TXNL4A: variants seen among roughly 807,000 people sequenced by gnomAD.
The protein encoded by TXNL4A is thioredoxin like 4A, also known as thioredoxin-like protein 4A.
A neutral mutation model predicts 14.6 loss-of-function variants in TXNL4A; 17 were observed. That is an observed-to-expected ratio of 1.16 (90% CI 0.80 to 1.74). TXNL4A has a LOEUF of 1.74. TXNL4A is among the 40% of genes most tolerant of loss of function. The pLI is 0.00. For missense variants in TXNL4A, 74 were observed against 195.2 expected, an observed-to-expected ratio of 0.38 and a Z score of 3.70; for synonymous variants, 83 against 70.6, an observed-to-expected ratio of 1.18 and a Z score of -0.88.
intron 1 of TXNL4A, among the ~76,000 whole-genome samples, chr18:80,010,572 G>A (rs773397838): frequency 5.3e-5 from 8 of 152,182 alleles, no homozygotes; most frequent in Admixed American, 6.5e-5. Flanking sequence ...AGCCCACTGT[G>A]CCCATGCCCA....
chr18:79,981,410 G>A (rs182689781), intron 1 of TXNL4A, among the ~76,000 whole-genome samples: 1 of 152,350 alleles, frequency 6.6e-6, no homozygotes, highest in South Asian at 2.1e-4. Context: ...GGTGGCTCAC[G>A]CCTGTAATCC....
chr18:80,010,161 G>A (rs962415478), intron 1 of TXNL4A, among the ~76,000 whole-genome samples: 2 of 152,192 alleles, frequency 1.3e-5, no homozygotes, highest in Non-Finnish European at 2.9e-5. Context: ...AAGGAGTACA[G>A]ACACAAAGGT....
intron 1 of TXNL4A, among the ~76,000 whole-genome samples, chr18:80,021,101 C>T (rs1343307045): frequency 1.3e-5 from 2 of 152,060 alleles, no homozygotes; most frequent in Non-Finnish European, 2.9e-5. Flanking sequence ...TTTGATAATG[C>T]TTGCCCAAAC....
chr18:79,983,438 T>C (rs1273360177), intron 1 of TXNL4A, among the ~76,000 whole-genome samples: 1 of 152,220 alleles, frequency 6.6e-6, no homozygotes, highest in Non-Finnish European at 1.5e-5. Context: ...CGCATGCCTC[T>C]AAGTCCACCT....
chr18:80,006,970 G>T (rs1336183870), intron 1 of TXNL4A, among the ~76,000 whole-genome samples: 1 of 152,126 alleles, frequency 6.6e-6, no homozygotes, highest in Admixed American at 6.5e-5. Flanking sequence ...CACATGTGAT[G>T]ACAAAGAAAA....
chr18:79,988,664 G>C, upstream of TXNL4A: 1 of 281,852 alleles, frequency 3.5e-6, no homozygotes, highest in East Asian at 6.0e-5. Context: ...CGAACGTGTA[G>C]TTGGCCGGGT....
intron 1 of TXNL4A, among the ~76,000 whole-genome samples, chr18:79,995,877 C>T (rs975709560): frequency 5.9e-5 from 9 of 151,750 alleles, no homozygotes; most frequent in Non-Finnish European, 1.3e-4. Context: ...CTGAGGCGGG[C>T]AGATCATGAG....
rs2051936878 is a variant in TXNL4A, at chr18:80,033,254, T to C, written c.-61+597A>G. 4.0e-5 allele frequency among the ~76,000 whole-genome samples: 6 copies of C among 151,716 alleles called. No individual in the cohort carries two copies. The South Asian group carries it at 1.2e-3, about 31-fold the overall frequency. ...ATGTCCACACACATGCACACACACG[T>C]ACATATGCACACATACACATGTACA... On this transcript the variant is annotated intron_variant, in intron 1 of 2. Transcript: ENST00000585474.
chr18:80,029,717 C>G (rs1432982956), intron 1 of TXNL4A, among the ~76,000 whole-genome samples: 1 of 152,192 alleles, frequency 6.6e-6, no homozygotes, highest in African/African-American at 2.4e-5. Flanking sequence ...AAGCACTCCC[C>G]CTAGTGCTGC....
At chr18:80,023,439 T>C (rs1035458587) in intron 1 of TXNL4A, among the ~76,000 whole-genome samples, 8 of 151,774 alleles carry the variant, frequency 5.3e-5, no homozygotes, top group African/African-American at 1.9e-4. Flanking sequence ...ACGTAAAAAC[T>C]CTGACTCCAA....
At chr18:79,980,699 GC>G (rs1250983508) in intron 1 of TXNL4A, among the ~76,000 whole-genome samples, 1 of 152,136 alleles carries the variant, frequency 6.6e-6, no homozygotes. Context: ...CCAGCACAGG[GC>G]CCACTGCAGG....
chr18:79,990,933 T>A (rs372818718), upstream of TXNL4A, among the ~76,000 whole-genome samples: 45 of 148,884 alleles, frequency 3.0e-4, no homozygotes, highest in East Asian at 8.3e-3. Context: ...TGAAACCCCG[T>A]CTCTACTAAA....
chr18:79,973,970 G>A, intron 2 of TXNL4A, 114 bp from the exon 3 acceptor site: 4 of 1,440,878 alleles, frequency 2.8e-6, no homozygotes, highest in Non-Finnish European at 2.8e-6. Context: ...CATCACTGAA[G>A]AACGCATAAA....
intron 1 of TXNL4A, among the ~76,000 whole-genome samples, chr18:79,978,627 G>A (rs750742161): frequency 6.6e-5 from 10 of 151,962 alleles, no homozygotes; most frequent in Admixed American, 3.3e-4. Context: ...CCAAGCAGCC[G>A]GGACTACAGG....
intron 1 of TXNL4A, among the ~76,000 whole-genome samples, chr18:80,018,734 GAAGA>G (rs2051828993): frequency 6.6e-6 from 1 of 152,178 alleles, no homozygotes; most frequent in East Asian, 1.9e-4. Context: ...AGAAAATCTA[GAAGA>G]AATGGATAAA....
Position 79,977,645 on chromosome 18 carries a change from G to A in TXNL4A, c.210C>T (p.Asn70=), listed in dbSNP as rs747227156. 1.2e-6 allele frequency: 2 copies of A among 1,612,656 alleles called. No individual in the cohort carries two copies. Among genetic ancestry groups the A allele is most frequent in the South Asian group, 1.1e-5 (1 of 90,708 alleles). The change falls in exon 2 of 3, where the codon AAC becomes AAT. Residue 70 remains asparagine (N), a synonymous_variant. Transcript: ENST00000269601. ...LVDITEVPDF[N]KMYELYDPCT... is the part of the protein sequence containing the mutation. ...ATGGATCGTATAACTCATACATTTTGTTGAAGTCAGGCACTTCTGTAATAT... is the reference window on the plus strand; with the variant it reads ...ATGGATCGTATAACTCATACATTTTATTGAAGTCAGGCACTTCTGTAATAT...
chr18:80,028,684 T>A (rs1027760088), intron 1 of TXNL4A, among the ~76,000 whole-genome samples: 2 of 152,204 alleles, frequency 1.3e-5, no homozygotes, highest in African/African-American at 2.4e-5. Context: ...TCATCTCAAG[T>A]GGCCGAGTTG....
At chr18:80,007,180 C>G (rs939206383) in intron 1 of TXNL4A, among the ~76,000 whole-genome samples, 18 of 152,084 alleles carry the variant, frequency 1.2e-4, no homozygotes, top group Non-Finnish European at 2.4e-4. Flanking sequence ...TGAGGACTCT[C>G]TTACCCTTGC....
chr18:80,008,456 C>G (rs759803267), intron 1 of TXNL4A, among the ~76,000 whole-genome samples: 15 of 152,062 alleles, frequency 9.9e-5, no homozygotes, highest in Non-Finnish European at 1.9e-4. Flanking sequence ...CTTTTGTCAT[C>G]TTTTCTTCCC....
Sources: gnomAD v4.1 joint callset for allele counts (sites outside exome capture counted in the v4.1 genomes callset) on GRCh38, gnomAD v4.1.1 for gene constraint, MANE v1.5 for transcripts, NCBI Gene and HGNC (gene_info 2026-07-23, HGNC 2026-07-21) for gene names.